IMMT: variants seen among roughly 807,000 people sequenced by gnomAD.
IMMT encodes inner membrane mitochondrial protein.
Under a neutral mutation model 92.7 loss-of-function variants are expected in IMMT, and 40 were observed. The ratio of observed to expected loss-of-function variants is 0.43; its 90% confidence interval spans 0.34 to 0.56. The LOEUF (loss-of-function observed/expected upper bound fraction) is 0.56. Ranked by LOEUF, IMMT falls within the 20% of genes least tolerant of loss-of-function variation. The pLI is 0.03. For missense variants in IMMT, 831 were observed against 912.1 expected, an observed-to-expected ratio of 0.91 and a Z score of 1.14; for synonymous variants, 322 against 336.1, an observed-to-expected ratio of 0.96 and a Z score of 0.46.
At chr2:86,167,053 A>G (rs903914333) in intron 6 of IMMT, among the ~76,000 whole-genome samples, 7 of 149,698 alleles carry the variant, frequency 4.7e-5, no homozygotes, top group Admixed American at 2.0e-4. Context: ...AGCCGAGATC[A>G]TGCCACTGCA....
chr2:86,159,473 C>T (rs1326601703), intron 9 of IMMT, 63 bp downstream of exon 9: 1 of 1,293,234 alleles, frequency 7.7e-7, no homozygotes, highest in Admixed American at 2.0e-5. Context: ...TTCCTAAATC[C>T]TTAAAATCCT....
rs553528408 is a variant in IMMT, at chr2:86,169,627, C to T, written c.655+1122G>A. Reference sequence around the variant, plus strand: ...CCAGAGACATCAACATATTATAGCACAGTACAAAAAATTATGTTACATGTG... The same window carrying T: ...CCAGAGACATCAACATATTATAGCATAGTACAAAAAATTATGTTACATGTG... On this transcript the variant is annotated intron_variant, in intron 6 of 14. Transcript: ENST00000410111. Among the ~76,000 whole-genome samples, 9 of 152,232 alleles carry T rather than the reference C, an allele frequency of 5.9e-5. No homozygotes were observed. In the South Asian group the frequency reaches 1.9e-3, roughly 32 times the overall value.
At chr2:86,146,584 C>T (rs1309925991) in intron 13 of IMMT, among the ~76,000 whole-genome samples, 2 of 151,884 alleles carry the variant, frequency 1.3e-5, no homozygotes, top group African/African-American at 2.4e-5. Flanking sequence ...AGGATGGTCT[C>T]GATCTCTTAA....
Position 86,144,145 on chromosome 2 carries a change from A to T in IMMT, c.*123T>A. The stretch of plus-strand genomic sequence containing the variant: ...ATAAATGCAACAGGTGTTAACATTT[A>T]GAACAGTACTTGTAAACCTGCTCAT... On this transcript the variant is annotated 3_prime_UTR_variant, in exon 15 of 15. Transcript: ENST00000410111. The T allele has an allele frequency of 9.7e-7, 1 of 1,034,418 alleles. No homozygotes were observed. The highest frequency in any genetic ancestry group is 1.4e-6 in the Non-Finnish European group (1 of 718,464). The allele number at this position is 1,034,418 out of a possible 1,614,324, so 64.1% of individuals were successfully genotyped here.
At chr2:86,180,302 G>A (rs967943603) in intron 2 of IMMT, among the ~76,000 whole-genome samples, 6 of 151,832 alleles carry the variant, frequency 4.0e-5, no homozygotes, top group African/African-American at 1.4e-4. Flanking sequence ...TCTTGCTCTT[G>A]TCCCTCAGGC....
intron 1 of IMMT, among the ~76,000 whole-genome samples, chr2:86,193,407 CAA>C (rs11412841): frequency 2.2e-5 from 3 of 137,836 alleles, no homozygotes; most frequent in African/African-American, 2.8e-5. Flanking sequence ...ACTCCGTATC[CAA>C]AAAAAAAAAA....
intron 4 of IMMT, among the ~76,000 whole-genome samples, chr2:86,171,959 ATTTTTTTT>A (rs869190735): frequency 2.5e-5 from 1 of 40,156 alleles, no homozygotes; most frequent in African/African-American, 7.8e-5. Context: ...TGTGTAGTAT[ATTTTTTTT>A]TTTTTTTTTT....
intron 1 of IMMT, among the ~76,000 whole-genome samples, chr2:86,187,642 C>T (rs761846271): frequency 2.6e-5 from 4 of 152,118 alleles, no homozygotes; most frequent in African/African-American, 4.8e-5. Flanking sequence ...CAGGCTCAGT[C>T]GCTCACGCCT....
At position 86,171,356 on chromosome 2, in the gene IMMT, A is replaced by G. The variant is rs1677069899; in HGVS notation, c.422-11T>C. 2 of 1,606,404 alleles carry G rather than the reference A, an allele frequency of 1.2e-6. No individual in the cohort carries two copies. Among genetic ancestry groups the G allele is most frequent in the Non-Finnish European group, 1.7e-6 (2 of 1,175,618 alleles). On this transcript the variant is annotated splice_polypyrimidine_tract_variant and intron_variant, in intron 4 of 14. Coordinates refer to ENST00000410111, the MANE Select transcript of IMMT (RefSeq NM_006839.3). ...CCGCTTCTGTAGGTGCTATAAATAT[A>G]TGTTACTCATGGTATTTATACTTTC...
At chr2:86,176,211 T>C (rs1009016189) in intron 3 of IMMT, among the ~76,000 whole-genome samples, 2 of 152,262 alleles carry the variant, frequency 1.3e-5, no homozygotes, top group Non-Finnish European at 2.9e-5. Context: ...TTCATACTTA[T>C]TCAGAAGGTA....
At chr2:86,186,237 T>C (rs1011657177) in intron 1 of IMMT, among the ~76,000 whole-genome samples, 2 of 152,190 alleles carry the variant, frequency 1.3e-5, no homozygotes, top group Non-Finnish European at 2.9e-5. Context: ...TTTGATGGCA[T>C]TAGACTCTGG....
chr2:86,167,680 C>T (rs1230415502), intron 6 of IMMT, among the ~76,000 whole-genome samples: 1 of 151,526 alleles, frequency 6.6e-6, no homozygotes, highest in Non-Finnish European at 1.5e-5. Flanking sequence ...GACAGGGTTT[C>T]ACCGTGTTAG....
At position 86,166,647 on chromosome 2, in the gene IMMT, T is replaced by TAAA. The variant is rs745391324; in HGVS notation, c.656-6_656-4dup. 2.4e-6 allele frequency: 3 copies of TAAA among 1,230,126 alleles called. No homozygotes were observed. The highest frequency in any genetic ancestry group is 2.3e-5 in the Admixed American group (1 of 42,806). 76.2% of individuals were successfully genotyped at this position (1,230,126 alleles called of 1,614,324 possible). A position where few individuals can be genotyped will look rare whatever the true frequency, so the allele number is the denominator to read the frequency against. On this transcript the variant is annotated splice_region_variant and splice_polypyrimidine_tract_variant and intron_variant, in intron 6 of 14. Coordinates refer to ENST00000410111, the MANE Select transcript of IMMT (RefSeq NM_006839.3). ...ATCTTCTAAGCTCTTGGCTAGAGCT[T>TAAA]AAAAAAAAAAAAGAACAGTTAAAAA...
chr2:86,161,845 G>T, intron 8 of IMMT, 131 bp downstream of exon 8: 1 of 656,284 alleles, frequency 1.5e-6, no homozygotes, highest in Non-Finnish European at 2.7e-6. Context: ...TTCAGAACAA[G>T]CACAGGTGGA....
chr2:86,160,464 A>G (rs1676189679), intron 8 of IMMT, among the ~76,000 whole-genome samples: 1 of 152,212 alleles, frequency 6.6e-6, no homozygotes, highest in African/African-American at 2.4e-5. Context: ...AGAATGTTTC[A>G]TAAGTCCGTC....
At chr2:86,180,747 C>T (rs1672378344) in intron 2 of IMMT, among the ~76,000 whole-genome samples, 1 of 151,732 alleles carries the variant, frequency 6.6e-6, no homozygotes, top group Non-Finnish European at 1.5e-5. Context: ...ATTAGTTGGG[C>T]ATGGTGACAT....
chr2:86,162,341 GTTT>G (rs572177860), intron 7 of IMMT, among the ~76,000 whole-genome samples: 1 of 140,218 alleles, frequency 7.1e-6, no homozygotes. Flanking sequence ...AAGGAGAGTT[GTTT>G]TTTTTTTTTT....
chr2:86,181,304 G>A lies in IMMT; in HGVS notation c.114C>T (p.Ser38=), dbSNP rs1345984311. ...RPCRRYSTSG[S]SGLTTGKIAG... is the part of the protein sequence containing the mutation. ...TAGGGAGACATAATACATACCCAGA[G>A]CTGCCTGAAGTAGAGTATCTGCGGC... The change falls in exon 2 of 15, where the codon AGC becomes AGT. Residue 38 remains serine (S), a synonymous_variant. Coordinates refer to ENST00000410111, the MANE Select transcript of IMMT (RefSeq NM_006839.3). 1 of 1,612,232 alleles carries A rather than the reference G, an allele frequency of 6.2e-7. No homozygotes were observed. The highest frequency in any genetic ancestry group is 8.5e-7 in the Non-Finnish European group (1 of 1,178,442).
intron 6 of IMMT, among the ~76,000 whole-genome samples, chr2:86,168,400 A>C (rs1037877867): frequency 2.0e-5 from 3 of 152,198 alleles, no homozygotes; most frequent in Non-Finnish European, 4.4e-5. Context: ...AGGCAGGTGT[A>C]TCACCTGAGG....
Sources: gnomAD v4.1 joint callset for allele counts (sites outside exome capture counted in the v4.1 genomes callset) on GRCh38, gnomAD v4.1.1 for gene constraint, MANE v1.5 for transcripts, NCBI Gene and HGNC (gene_info 2026-07-23, HGNC 2026-07-21) for gene names.